Variants in TLK1 observed in about 807,000 individuals in gnomAD.
TLK1 encodes the protein tousled like kinase 1.
TLK1 carries 24 observed loss-of-function variants against 105.3 expected under a neutral mutation model. The observed-to-expected ratio is 0.23, with a 90% CI of 0.17 to 0.32. The LOEUF (loss-of-function observed/expected upper bound fraction) is 0.32. Ranked by LOEUF, TLK1 falls within the 10% of genes least tolerant of loss-of-function variation. The pLI, the probability that TLK1 is intolerant of heterozygous loss-of-function variation, is 1.00. For synonymous variants in TLK1, 321 were observed against 310.4 expected, an observed-to-expected ratio of 1.03 and a Z score of -0.36; for missense variants, 558 against 910.5, an observed-to-expected ratio of 0.61 and a Z score of 4.98.
intron 2 of TLK1, among the ~76,000 whole-genome samples, chr2:171,090,606 G>A (rs1689187568): frequency 6.6e-6 from 1 of 152,080 alleles, no homozygotes; most frequent in South Asian, 2.1e-4. Flanking sequence ...GATTTTCCTA[G>A]GTATTCACTT....
chr2:171,157,349 C>A (rs1359693469), intron 1 of TLK1, among the ~76,000 whole-genome samples: 1 of 152,134 alleles, frequency 6.6e-6, no homozygotes, highest in African/African-American at 2.4e-5. Flanking sequence ...TACTTGAAAA[C>A]CTTTTTAACT....
intron 3 of TLK1, chr2:171,067,057 T>TA (rs1688031365): frequency 7.4e-7 from 1 of 1,352,428 alleles, no homozygotes; most frequent in African/African-American, 1.5e-5. Flanking sequence ...ATCATACCCC[T>TA]ACAAACATTC....
chr2:171,135,787 A>C (rs1266797631), intron 1 of TLK1, among the ~76,000 whole-genome samples: 1 of 152,068 alleles, frequency 6.6e-6, no homozygotes, highest in Non-Finnish European at 1.5e-5. Context: ...GGGCGACAAG[A>C]AAAAAAGAAA....
In TLK1 at chr2:171,117,749, A is replaced by G. The variant is rs770310356; in HGVS notation, c.248T>C (p.Val83Ala). The stretch of plus-strand genomic sequence containing the variant: ...GAGAATTTTGCTCACTTTAGCTCCA[A>G]CACTGCAACTGCCCGTACTTCCAGT... ...GSTGSTGSCS[V>A]GAKASTNNES... Residue 83 changes from valine to alanine, a missense_variant, in exon 2 of 21, where the codon GTT (valine) becomes GCT (alanine). By Grantham distance (64) the Val-to-Ala change is moderately conservative. Transcript: ENST00000431350. 1 of 1,613,314 alleles carries G rather than the reference A, an allele frequency of 6.2e-7. No individual in the cohort carries two copies. The highest frequency in any genetic ancestry group is 2.2e-5 in the East Asian group (1 of 44,854).
chr2:171,228,026 A>T (rs545224722), intron 1 of TLK1, among the ~76,000 whole-genome samples: 3 of 152,072 alleles, frequency 2.0e-5, no homozygotes, highest in African/African-American at 7.2e-5. Flanking sequence ...AAATACAAAA[A>T]TTAGCCAGGT....
At chr2:171,016,189 T>A (rs1029688800) in intron 12 of TLK1, among the ~76,000 whole-genome samples, 2 of 152,204 alleles carry the variant, frequency 1.3e-5, no homozygotes, top group South Asian at 2.1e-4. Flanking sequence ...TCACTCAGGC[T>A]GGAGCGCAGT....
At chr2:171,055,296 T>G in intron 6 of TLK1, 124 bp from the exon 7 acceptor site, 1 of 596,584 alleles carries the variant, frequency 1.7e-6, no homozygotes, top group Admixed American at 4.1e-5. Flanking sequence ...GAATAATACC[T>G]AAATTGAAAC....
intron 2 of TLK1, among the ~76,000 whole-genome samples, chr2:171,086,849 G>A (rs780575859): frequency 1.3e-5 from 2 of 152,060 alleles, no homozygotes; most frequent in Admixed American, 6.6e-5. Context: ...GGAGGGATAC[G>A]CTGGAAAATA....
At chr2:171,182,935 A>AAAAAGAAAGAAAG (rs1553487148) in intron 1 of TLK1, among the ~76,000 whole-genome samples, 7 of 128,836 alleles carry the variant, frequency 5.4e-5, no homozygotes, top group African/African-American at 2.5e-4. Context: ...AAAAAAAAAA[A>AAAAAGAAAGAAAG]AAAGAAAGAA....
At chr2:171,193,015 G>A (rs1388999783) in intron 1 of TLK1, among the ~76,000 whole-genome samples, 1 of 152,334 alleles carries the variant, frequency 6.6e-6, no homozygotes, top group South Asian at 2.1e-4. Context: ...TCTATTAAAT[G>A]ATTATGGTGT....
rs1558975068 is a variant in TLK1, at chr2:171,160,217, C to CGGCGGGGGGGGCG, written c.139+72_139+73insCGCCCCCCCCGCC. 7 of 862,862 alleles carry CGGCGGGGGGGGCG rather than the reference C, an allele frequency of 8.1e-6. No homozygotes were observed. The African/African-American group carries it at 1.6e-4, about 20-fold the overall frequency. 53.5% of individuals were successfully genotyped at this position (862,862 alleles called of 1,614,324 possible). On this transcript the variant is annotated intron_variant, in intron 1 of 20. Transcript: ENST00000431350. The surrounding 1 kb of genome is among the most constrained non-coding windows in gnomAD (Gnocchi z 4.4). ...CGGAGAAGCCCCGGGGCGGGGGGGG[C>CGGCGGGGGGGGCG]GGGGGGGGGGCGCGGGGGTCCGCGG...
intron 12 of TLK1, among the ~76,000 whole-genome samples, chr2:171,020,508 C>G (rs1223061724): frequency 6.6e-6 from 1 of 150,618 alleles, no homozygotes; most frequent in Non-Finnish European, 1.5e-5. Context: ...CCACTGCACT[C>G]CAGCCTTGGT....
At chr2:171,058,026 T>C (rs560347753) in intron 5 of TLK1, 125 bp downstream of exon 5, 1 of 857,632 alleles carries the variant, frequency 1.2e-6, no homozygotes, top group African/African-American at 1.7e-5. Flanking sequence ...TATCACATAG[T>C]AATAAAGCTC....
In TLK1 at chr2:171,160,733, G is replaced by C. The variant is rs113322746; in HGVS notation, c.-305C>G. The C allele has an allele frequency of 3.9e-3, 1,760 of 450,656 alleles. 18 individuals carry two copies. The highest frequency in any genetic ancestry group is 0.031 in the African/African-American group (1,456 of 47,734). 27.9% of individuals were successfully genotyped at this position (450,656 alleles called of 1,614,324 possible). ...GAGGCGTCGAGGGGGTGCCAGCCGG[G>C]CCGGGGTCGGAGCGCGGGCGGAGCG... On this transcript the variant is annotated 5_prime_UTR_variant, in exon 1 of 21. Coordinates refer to ENST00000431350, the MANE Select transcript of TLK1 (RefSeq NM_012290.5). This position sits in a 1 kb window ranked among gnomAD's most constrained non-coding sequence, Gnocchi z 4.4.
In TLK1 at chr2:171,160,257, C is replaced by T. The variant is rs550144397; in HGVS notation, c.139+33G>A. 2 of 1,456,816 alleles carry T rather than the reference C, an allele frequency of 1.4e-6. No individual in the cohort carries two copies. Among genetic ancestry groups the T allele is most frequent in the Non-Finnish European group, 1.8e-6 (2 of 1,108,588 alleles). The allele number at this position is 1,456,816 out of a possible 1,614,324, so 90.2% of individuals were successfully genotyped here. Reference sequence around the variant, plus strand: ...GGGGTCCGCGGCGCGGGAGAGGAGGCCCGCGAGCGGGCGCGGGCGCGGCGG... The same window carrying T: ...GGGGTCCGCGGCGCGGGAGAGGAGGTCCGCGAGCGGGCGCGGGCGCGGCGG... On this transcript the variant is annotated intron_variant, in intron 1 of 20. Transcript: ENST00000431350. This position sits in a 1 kb window ranked among gnomAD's most constrained non-coding sequence, Gnocchi z 4.4.
intron 4 of TLK1, among the ~76,000 whole-genome samples, chr2:171,059,617 GTT>G (rs1687650323): frequency 6.6e-6 from 1 of 152,014 alleles, no homozygotes; most frequent in South Asian, 2.1e-4. Flanking sequence ...GTCCTAACTA[GTT>G]TTGGAATGGA....
chr2:170,997,653 A>G, intron 19 of TLK1, 59 bp downstream of exon 19: 1 of 1,170,818 alleles, frequency 8.5e-7, no homozygotes, highest in Non-Finnish European at 1.2e-6. Flanking sequence ...GCTTTTAAGA[A>G]GGAAAAATTC....
At chr2:171,206,513 G>T (rs1006626773) in intron 1 of TLK1, among the ~76,000 whole-genome samples, 3 of 152,066 alleles carry the variant, frequency 2.0e-5, no homozygotes, top group Admixed American at 2.0e-4. Flanking sequence ...AACCTTTAAG[G>T]GGCCTATCAC....
At chr2:171,182,845 C>T (rs149150208) in intron 1 of TLK1, among the ~76,000 whole-genome samples, 3 of 150,382 alleles carry the variant, frequency 2.0e-5, no homozygotes, top group African/African-American at 7.4e-5. Context: ...TTGCTCGAGC[C>T]CAGGAGGTCA....
Sources: gnomAD v4.1 joint callset for allele counts (sites outside exome capture counted in the v4.1 genomes callset) on GRCh38, gnomAD v4.1.1 for gene constraint, Gnocchi (gnomAD v3.1) non-coding constraint, MANE v1.5 for transcripts, NCBI Gene and HGNC (gene_info 2026-07-23, HGNC 2026-07-21) for gene names.